Variants in MCTP1 observed in about 807,000 individuals in gnomAD.
The protein encoded by MCTP1 is multiple C2 and transmembrane domain containing 1.
In MCTP1, 69 loss-of-function variants were observed where a neutral mutation model predicts 120.6. The ratio of observed to expected loss-of-function variants is 0.57; its 90% CI spans 0.47 to 0.70. The LOEUF (loss-of-function observed/expected upper bound fraction) is 0.70. Among genes scored for constraint, MCTP1 ranks in the 30% least tolerant of loss-of-function variants. The pLI is 0.00. For missense variants in MCTP1, 1,203 were observed against 1,248.8 expected (o/e 0.96, Z 0.55); for synonymous variants, 529 against 493.1 (o/e 1.07, Z -0.96).
At chr5:94,947,575 T>TAGAGAGAGAGAG (rs1252999006) in intron 3 of MCTP1, among the ~76,000 whole-genome samples, 1 of 47,428 alleles carries the variant, frequency 2.1e-5, no homozygotes, top group Non-Finnish European at 3.9e-5. Context: ...TATATATATA[T>TAGAGAGAGAGAG]ATAGAGAGAG....
intron 1 of MCTP1, among the ~76,000 whole-genome samples, chr5:95,230,868 C>T (rs115968894): frequency 2.3e-3 from 351 of 152,108 alleles, no homozygotes; most frequent in African/African-American, 7.8e-3. Context: ...ATACTTAGTT[C>T]GTTCATAATT....
chr5:94,824,957 T>G (rs935816449), intron 17 of MCTP1, among the ~76,000 whole-genome samples: 2 of 152,194 alleles, frequency 1.3e-5, no homozygotes, highest in Admixed American at 6.5e-5. Context: ...GCTAGCAGAC[T>G]ATCTATTTTG....
chr5:94,932,748 C>G (rs1427812818), intron 5 of MCTP1, among the ~76,000 whole-genome samples: 3 of 152,016 alleles, frequency 2.0e-5, no homozygotes, highest in African/African-American at 7.2e-5. Context: ...TAACCTCTTT[C>G]CCCTCTCTTT....
At chr5:94,828,209 C>A (rs1009195095) in intron 17 of MCTP1, among the ~76,000 whole-genome samples, 1 of 152,198 alleles carries the variant, frequency 6.6e-6, no homozygotes, top group Non-Finnish European at 1.5e-5. Flanking sequence ...TTCTAACAGT[C>A]AGGCTCCTCT....
chr5:94,803,627 C>T (rs1021552149), intron 17 of MCTP1, among the ~76,000 whole-genome samples: 4 of 152,192 alleles, frequency 2.6e-5, no homozygotes, highest in Non-Finnish European at 5.9e-5. Flanking sequence ...GATTGGCTTA[C>T]ACTACATATA....
chr5:94,963,535 T>C (rs464450), intron 2 of MCTP1, among the ~76,000 whole-genome samples: 8,693 of 151,896 alleles, frequency 0.057, 325 homozygotes, highest in African/African-American at 0.093. Flanking sequence ...AGTGTGGTTT[T>C]CATTTGCATT....
At chr5:95,023,543 A>G (rs1452386527) in intron 1 of MCTP1, among the ~76,000 whole-genome samples, 2 of 152,188 alleles carry the variant, frequency 1.3e-5, no homozygotes, top group Non-Finnish European at 2.9e-5. Flanking sequence ...TGAGAGGAGA[A>G]GCAACTCCAG....
chr5:95,143,611 T>C (rs1760121929), intron 1 of MCTP1, among the ~76,000 whole-genome samples: 1 of 152,150 alleles, frequency 6.6e-6, no homozygotes, highest in African/African-American at 2.4e-5. Context: ...TTTGTGTCAA[T>C]TTGTATTTAA....
chr5:94,915,268 T>C (rs1165770626), intron 8 of MCTP1, among the ~76,000 whole-genome samples: 1 of 152,230 alleles, frequency 6.6e-6, no homozygotes, highest in African/African-American at 2.4e-5. Flanking sequence ...ATGGTAGATA[T>C]ATGACTAGAA....
chr5:95,163,965 T>C (rs1746038077), intron 1 of MCTP1, among the ~76,000 whole-genome samples: 1 of 152,220 alleles, frequency 6.6e-6, no homozygotes, highest in Non-Finnish European at 1.5e-5. Flanking sequence ...TTAATTAATA[T>C]ACTGTAATGC....
At chr5:94,721,758 G>A (rs1203960310) in intron 19 of MCTP1, among the ~76,000 whole-genome samples, 1 of 148,972 alleles carries the variant, frequency 6.7e-6, no homozygotes, top group African/African-American at 2.5e-5. Context: ...CTTTATTGTT[G>A]TTTTTGCTTT....
intron 1 of MCTP1, among the ~76,000 whole-genome samples, chr5:95,274,626 C>CTT (rs112973746): frequency 5.3e-5 from 8 of 149,554 alleles, no homozygotes; most frequent in South Asian, 2.1e-4. Context: ...TTACTGCTTT[C>CTT]TTTTTTTCTT....
At chr5:95,139,675 C>T (rs890925054) in intron 1 of MCTP1, among the ~76,000 whole-genome samples, 1 of 152,198 alleles carries the variant, frequency 6.6e-6, no homozygotes, top group Non-Finnish European at 1.5e-5. Context: ...TATCCAAGAA[C>T]ACATCTAACT....
intron 5 of MCTP1, among the ~76,000 whole-genome samples, chr5:94,937,191 C>G (rs1266550755): frequency 6.6e-6 from 1 of 152,084 alleles, no homozygotes; most frequent in Non-Finnish European, 1.5e-5. Context: ...AGAGAAGACG[C>G]TATTTCCCTC....
chr5:95,159,528 T>C (rs544262554), intron 1 of MCTP1, among the ~76,000 whole-genome samples: 3 of 152,338 alleles, frequency 2.0e-5, no homozygotes, highest in South Asian at 4.1e-4. Context: ...CTATATACTA[T>C]GTTAAGTTCT....
At chr5:94,721,019 T>C (rs2152631394) in intron 19 of MCTP1, among the ~76,000 whole-genome samples, 1 of 152,316 alleles carries the variant, frequency 6.6e-6, no homozygotes, top group Non-Finnish European at 1.5e-5. Context: ...CCAGAGCCTA[T>C]ACTCTATAAT....
intron 1 of MCTP1, among the ~76,000 whole-genome samples, chr5:95,266,190 G>C (rs893415785): frequency 6.6e-6 from 1 of 152,190 alleles, no homozygotes; most frequent in African/African-American, 2.4e-5. Flanking sequence ...GCCCTGCAAG[G>C]TTCTAGGATA....
intron 1 of MCTP1, among the ~76,000 whole-genome samples, chr5:95,269,712 G>A (rs1759205662): frequency 6.6e-6 from 1 of 152,168 alleles, no homozygotes; most frequent in African/African-American, 2.4e-5. Flanking sequence ...GGGTAGCCTG[G>A]AAATTATGGC....
chr5:95,015,126 A>G (rs191474663), intron 2 of MCTP1, among the ~76,000 whole-genome samples: 6 of 152,230 alleles, frequency 3.9e-5, no homozygotes, highest in African/African-American at 1.4e-4. Flanking sequence ...ACAGTATGGT[A>G]TATATTATAA....
Sources: gnomAD v4.1 joint callset for allele counts (sites outside exome capture counted in the v4.1 genomes callset) on GRCh38, gnomAD v4.1.1 for gene constraint, MANE v1.5 for transcripts, NCBI Gene and HGNC (gene_info 2026-07-23, HGNC 2026-07-21) for gene names.